The following SLC23A2 variants were observed in gnomAD, a reference collection of about 807,000 sequenced individuals.
The protein encoded by SLC23A2 is solute carrier family 23 member 2.
In SLC23A2, 36 loss-of-function variants were observed where a neutral mutation model predicts 73.3. That is an observed-to-expected ratio of 0.49 (90% CI 0.38 to 0.65). The LOEUF is 0.65. Ranked by LOEUF, SLC23A2 falls within the 30% of genes least tolerant of loss-of-function variation. SLC23A2 has a pLI of 0.00. For missense variants in SLC23A2, 507 were observed against 841.6 expected (o/e 0.60, Z 4.92); for synonymous variants, 343 against 327.3 (o/e 1.05, Z -0.52).
intron 7 of SLC23A2, 111 bp downstream of exon 7, chr20:4,885,710 T>C: frequency 1.3e-6 from 1 of 760,102 alleles, no homozygotes; most frequent in South Asian, 1.5e-5. Context: ...TTGTGTGCTT[T>C]GTCCCTAATT....
intron 3 of SLC23A2, among the ~76,000 whole-genome samples, chr20:4,931,699 G>A (rs936892934): frequency 1.3e-5 from 2 of 152,034 alleles, no homozygotes; most frequent in African/African-American, 4.8e-5. Context: ...AGCCTGGGAA[G>A]TCAAGGCTGC....
chr20:4,873,230 A>C (rs903751968), intron 11 of SLC23A2, among the ~76,000 whole-genome samples: 3 of 152,180 alleles, frequency 2.0e-5, no homozygotes, highest in African/African-American at 7.2e-5. Context: ...TACACAGGGA[A>C]AGAAGTGGGC....
chr20:4,890,504 C>G (rs1931291527), intron 6 of SLC23A2, among the ~76,000 whole-genome samples: 2 of 152,058 alleles, frequency 1.3e-5, no homozygotes, highest in African/African-American at 2.4e-5. Flanking sequence ...AACACAAAAA[C>G]TAGCCAGGCA....
At chr20:4,952,954 C>T (rs538046613) in intron 2 of SLC23A2, among the ~76,000 whole-genome samples, 102 of 150,558 alleles carry the variant, frequency 6.8e-4, no homozygotes, top group African/African-American at 2.3e-3. Context: ...ACCCGGGAGG[C>T]GAAGGTTGCA....
chr20:4,874,582 C>T lies in SLC23A2; in HGVS notation c.939G>A (p.Met313Ile), dbSNP rs773560616. The T allele has an allele frequency of 6.3e-7, 1 of 1,592,060 alleles. No homozygotes were observed. The highest frequency in any genetic ancestry group is 8.5e-7 in the Non-Finnish European group (1 of 1,170,490). Residue 313 changes from methionine to isoleucine, a missense_variant, in exon 10 of 17, where the codon ATG becomes ATA. By Grantham distance (10) the Met-to-Ile change is conservative. Transcript: ENST00000338244. Reference sequence around the variant, plus strand: ...GAAGAAGTCAGCTACTCACAGGGAACATTTTGAACAGCTGTAACTTGTACG... The same window carrying T: ...GAAGAAGTCAGCTACTCACAGGGAATATTTTGAACAGCTGTAACTTGTACG... ...WTAYKLQLFK[M>I]FPIILAILVS...
rs1303169221 is a variant in SLC23A2 at position 4,856,823 on chromosome 20, C to G, written c.*149G>C. 1.6e-6 allele frequency: 1 copy of G among 620,404 alleles called. No homozygotes were observed. The highest frequency in any genetic ancestry group is 2.9e-6 in the Non-Finnish European group (1 of 349,888). 38.4% of individuals were successfully genotyped at this position (620,404 alleles called of 1,614,324 possible). A position where few individuals can be genotyped will look rare whatever the true frequency, so the allele number is the denominator to read the frequency against. On this transcript the variant is annotated 3_prime_UTR_variant, in exon 17 of 17. Transcript: ENST00000338244. The surrounding 1 kb of genome is among the most constrained non-coding windows in gnomAD (Gnocchi z 4.6). ...ACACCGCATCAGGCACCATCACCCT[C>G]ACAGCAGAAAAGTGATTCGCAGTCT...
chr20:4,902,640 AG>A lies in SLC23A2; in HGVS notation c.208-83del. ...TCGGCCATGTACAGGCCACTATTAC[AG>A]AAAAACAACTTTATCAAGTGGTTGC... On this transcript the variant is annotated intron_variant, in intron 4 of 16. Transcript: ENST00000338244. This position sits in a 1 kb window ranked among gnomAD's most constrained non-coding sequence, Gnocchi z 4.0. 1.5e-6 allele frequency: 1 copy of A among 659,588 alleles called. No homozygotes were observed. Among genetic ancestry groups the A allele is most frequent in the Non-Finnish European group, 2.6e-6 (1 of 390,050 alleles). 40.9% of individuals were successfully genotyped at this position (659,588 alleles called of 1,614,324 possible).
rs114917715 is a variant in SLC23A2, at chr20:4,900,959, G to A, written c.325-1247C>T. On this transcript the variant is annotated intron_variant, in intron 5 of 16. Transcript: ENST00000338244. The stretch of plus-strand genomic sequence containing the variant: ...GAGTTTCCTGGGGTGAAATACTCCT[G>A]TTCAGGATGTCTCAGGGCTGCTCAC... Among the ~76,000 whole-genome samples, 664 of 152,310 alleles carry A rather than the reference G, an allele frequency of 4.4e-3. 5 individuals carry two copies. The highest frequency in any genetic ancestry group is 0.015 in the African/African-American group (622 of 41,560).
At chr20:4,976,138 C>A (rs1463700156) in intron 1 of SLC23A2, among the ~76,000 whole-genome samples, 1 of 151,726 alleles carries the variant, frequency 6.6e-6, no homozygotes, top group East Asian at 1.9e-4. Context: ...CAGGCATGAG[C>A]CACCACGCCC....
chr20:4,932,416 T>C, intron 3 of SLC23A2, 39 bp downstream of exon 3: 4 of 1,143,428 alleles, frequency 3.5e-6, no homozygotes, highest in Non-Finnish European at 5.3e-6. Context: ...GAAACTACTT[T>C]CAAGAGATTT....
intron 2 of SLC23A2, among the ~76,000 whole-genome samples, chr20:4,946,952 A>G (rs560814665): frequency 5.3e-5 from 8 of 152,194 alleles, no homozygotes; most frequent in African/African-American, 1.9e-4. Context: ...TTTCAGCAGA[A>G]GTTTTCTTTC....
At chr20:4,924,606 G>T (rs1932609439) in intron 3 of SLC23A2, among the ~76,000 whole-genome samples, 1 of 152,196 alleles carries the variant, frequency 6.6e-6, no homozygotes, top group Non-Finnish European at 1.5e-5. Flanking sequence ...ACACCCTGGT[G>T]AGGCCCACAA....
chr20:4,988,420 T>C lies in SLC23A2; in HGVS notation c.-282+12986A>G, dbSNP rs189976425. On this transcript the variant is annotated intron_variant, in intron 1 of 16. Coordinates refer to ENST00000338244, the MANE Select transcript of SLC23A2 (RefSeq NM_005116.6). ...GAGTTCGAGATCAGCCTGGCCAACATGGTGAAACCCTGTCTCTATTAAAAA... is the reference window on the plus strand; with the variant it reads ...GAGTTCGAGATCAGCCTGGCCAACACGGTGAAACCCTGTCTCTATTAAAAA... Among the ~76,000 whole-genome samples the C allele has an allele frequency of 0.012, 1,892 of 152,016 alleles. 56 individuals are homozygous for C. The South Asian group carries it at 0.14, about 11-fold the overall frequency.
chr20:5,009,867 G>A (rs1427432543), intron 1 of SLC23A2, among the ~76,000 whole-genome samples: 3 of 152,034 alleles, frequency 2.0e-5, no homozygotes, highest in Non-Finnish European at 2.9e-5. Context: ...AGGCCGAGGC[G>A]GGCGGATCAT....
rs934314501 is a variant in SLC23A2, at chr20:4,981,571, G to A, written c.-281-10652C>T. Among the ~76,000 whole-genome samples the A allele has an allele frequency of 2.6e-5, 4 of 152,154 alleles. No individual in the cohort carries two copies. In the East Asian group the frequency reaches 7.7e-4, roughly 29 times the overall value. The stretch of plus-strand genomic sequence containing the variant: ...GTGATCGCAATTTGCTGTCGAGGTT[G>A]AGGACCACTGACATGAAGCATATTT... On this transcript the variant is annotated intron_variant, in intron 1 of 16. Transcript: ENST00000338244.
At chr20:4,996,543 G>A (rs560292378) in intron 1 of SLC23A2, among the ~76,000 whole-genome samples, 47 of 151,870 alleles carry the variant, frequency 3.1e-4, no homozygotes, top group Admixed American at 9.8e-4. Context: ...AAAATTAGCC[G>A]GGTACAGTGG....
chr20:4,968,879 T>C (rs2087516944), intron 2 of SLC23A2, among the ~76,000 whole-genome samples: 1 of 151,602 alleles, frequency 6.6e-6, no homozygotes, highest in Non-Finnish European at 1.5e-5. Flanking sequence ...CCACCATGCC[T>C]GGCTAATTTT....
At position 4,862,759 on chromosome 20, in the gene SLC23A2, C is replaced by A; in HGVS notation, c.1486+19G>T. On this transcript the variant is annotated intron_variant, in intron 14 of 16. Transcript: ENST00000338244. This position sits in a 1 kb window ranked among gnomAD's most constrained non-coding sequence, Gnocchi z 5.1. ...AAATTTGGAAAAGTAAAGGAAAAAG[C>A]CAGAGAGGGGAGTCTTACCAAAGAG... is the stretch of plus-strand genomic sequence containing the variant. 1 of 1,596,834 alleles carries A rather than the reference C, an allele frequency of 6.3e-7. No individual in the cohort carries two copies. The highest frequency in any genetic ancestry group is 8.6e-7 in the Non-Finnish European group (1 of 1,167,174).
Position 4,947,133 on chromosome 20 carries a change from G to C in SLC23A2, c.-154-14417C>G, listed in dbSNP as rs541247002. On this transcript the variant is annotated intron_variant, in intron 2 of 16. Coordinates refer to ENST00000338244, the MANE Select transcript of SLC23A2 (RefSeq NM_005116.6). This position sits in a 1 kb window ranked among gnomAD's most constrained non-coding sequence, Gnocchi z 4.4. Reference sequence around the variant, plus strand: ...GGGAGCACTCCTGGGTCAGCTGTCCGTCTTCTGTGTTTCCATGGTTCCCAG... The same window carrying C: ...GGGAGCACTCCTGGGTCAGCTGTCCCTCTTCTGTGTTTCCATGGTTCCCAG... 6.6e-6 allele frequency among the ~76,000 whole-genome samples: 1 copy of C among 152,118 alleles called. No homozygotes were observed. The highest frequency in any genetic ancestry group is 1.5e-5 in the Non-Finnish European group (1 of 68,028).
Sources: gnomAD v4.1 joint callset for allele counts (sites outside exome capture counted in the v4.1 genomes callset) on GRCh38, gnomAD v4.1.1 for gene constraint, Gnocchi (gnomAD v3.1) non-coding constraint, MANE v1.5 for transcripts, NCBI Gene and HGNC (gene_info 2026-07-23, HGNC 2026-07-21) for gene names.